Variants in MACROD2 observed in about 807,000 individuals in gnomAD.
The protein encoded by MACROD2 is mono-ADP ribosylhydrolase 2.
A neutral mutation model predicts 70.4 loss-of-function variants in MACROD2; 36 were observed. The ratio of observed to expected loss-of-function variants is 0.51; its 90% CI spans 0.39 to 0.68. The LOEUF is 0.68. MACROD2 is among the 30% of genes least tolerant of loss of function. MACROD2 has a pLI of 0.00. For synonymous variants in MACROD2, 172 were observed against 178.8 expected (o/e 0.96, Z 0.30); for missense variants, 496 against 538.4 (o/e 0.92, Z 0.78).
At chr20:14,742,963 T>A (rs940641620) in intron 5 of MACROD2, among the ~76,000 whole-genome samples, 4 of 151,934 alleles carry the variant, frequency 2.6e-5, no homozygotes, top group Middle Eastern at 6.8e-3. Context: ...AGACGGGGTT[T>A]CACCGTTTTA....
At chr20:15,845,553 G>A (rs1298853370) in intron 8 of MACROD2, among the ~76,000 whole-genome samples, 1 of 151,912 alleles carries the variant, frequency 6.6e-6, no homozygotes, top group Admixed American at 6.6e-5. Context: ...ACCCCCTGTC[G>A]AAGTACAAAA....
chr20:14,673,444 C>T (rs73102520), intron 4 of MACROD2, among the ~76,000 whole-genome samples: 11,680 of 152,164 alleles, frequency 0.077, 506 homozygotes, highest in Middle Eastern at 0.17. Context: ...GTTTCCATGG[C>T]TGGAGAGACT....
At chr20:13,997,747 T>C (rs956934528) in intron 1 of MACROD2, among the ~76,000 whole-genome samples, 6 of 152,204 alleles carry the variant, frequency 3.9e-5, no homozygotes, top group Non-Finnish European at 8.8e-5. Context: ...TATTTTTGCA[T>C]GAAGTTTAAT....
intron 3 of MACROD2, among the ~76,000 whole-genome samples, chr20:14,101,877 G>A (rs1427469063): frequency 6.6e-6 from 1 of 150,624 alleles, no homozygotes. Flanking sequence ...CAATTTCTCT[G>A]CATGATTTCT....
At chr20:15,684,534 C>T (rs1471751236) in intron 8 of MACROD2, among the ~76,000 whole-genome samples, 1 of 152,124 alleles carries the variant, frequency 6.6e-6, no homozygotes. Flanking sequence ...CAAGGGTAAG[C>T]TCATTTAAAA....
At chr20:14,305,578 C>T (rs2082513058) in intron 3 of MACROD2, among the ~76,000 whole-genome samples, 1 of 152,038 alleles carries the variant, frequency 6.6e-6, no homozygotes, top group Non-Finnish European at 1.5e-5. Flanking sequence ...CATAGTCCAC[C>T]ATCTATAGTA....
chr20:14,427,307 A>G (rs1176960464), intron 3 of MACROD2, among the ~76,000 whole-genome samples: 1 of 151,862 alleles, frequency 6.6e-6, no homozygotes, highest in African/African-American at 2.4e-5. Context: ...ATTATTTGAC[A>G]TCTGTGAAGA....
chr20:15,844,743 A>G (rs1043511645), intron 8 of MACROD2, among the ~76,000 whole-genome samples: 11 of 152,260 alleles, frequency 7.2e-5, no homozygotes, highest in Middle Eastern at 3.4e-3. Context: ...TATACATTCA[A>G]CTTAATATTT....
rs182326933 is a variant in MACROD2, at chr20:14,558,090, A to G, written c.301+64582A>G. Among the ~76,000 whole-genome samples the G allele has an allele frequency of 9.9e-5, 15 of 151,882 alleles. No homozygotes were observed. The East Asian group carries it at 1.6e-3, about 16-fold the overall frequency. ...ATGAACTTTGGAAAACTTACGCTGA[A>G]TGAAAAAAAAGCTAGTCATAAAAGA... On this transcript the variant is annotated intron_variant, in intron 4 of 17. Coordinates refer to ENST00000684519, the MANE Select transcript of MACROD2 (RefSeq NM_001351661.2).
chr20:15,250,912 G>A lies in MACROD2; in HGVS notation c.540+20851G>A, dbSNP rs867364386. Among the ~76,000 whole-genome samples, 13 of 152,312 alleles carry A rather than the reference G, an allele frequency of 8.5e-5. No individual in the cohort carries two copies. In the South Asian group the frequency reaches 2.3e-3, roughly 27 times the overall value. On this transcript the variant is annotated intron_variant, in intron 6 of 17. Transcript: ENST00000684519. ...AACATGTAGCAGGCATTCAGTAAATGTTTGTAGAATGAATGTAGAATGAAT... is the reference window on the plus strand; with the variant it reads ...AACATGTAGCAGGCATTCAGTAAATATTTGTAGAATGAATGTAGAATGAAT...
chr20:15,235,549 A>G (rs41420948), intron 6 of MACROD2, among the ~76,000 whole-genome samples: 16,584 of 152,196 alleles, frequency 0.11, 1,127 homozygotes, highest in African/African-American at 0.19. Flanking sequence ...CAATCAAGCA[A>G]TTTTGGAATT....
At chr20:14,733,192 G>A (rs1371438281) in intron 5 of MACROD2, among the ~76,000 whole-genome samples, 3 of 152,072 alleles carry the variant, frequency 2.0e-5, no homozygotes, top group African/African-American at 4.8e-5. Flanking sequence ...GGACTTTGGA[G>A]TTTTAGACAC....
At chr20:14,180,082 C>T (rs2081293943) in intron 3 of MACROD2, among the ~76,000 whole-genome samples, 1 of 152,102 alleles carries the variant, frequency 6.6e-6, no homozygotes, top group African/African-American at 2.4e-5. Flanking sequence ...CTTTCTATTA[C>T]CCCTTCCTCA....
intron 5 of MACROD2, among the ~76,000 whole-genome samples, chr20:15,075,824 T>C (rs183417310): frequency 3.6e-4 from 55 of 152,104 alleles, no homozygotes; most frequent in African/African-American, 1.2e-3. Flanking sequence ...CACTGCAGGG[T>C]AGAGAAGAGA....
chr20:16,039,800 C>T (rs2067284161), intron 15 of MACROD2, among the ~76,000 whole-genome samples: 1 of 151,896 alleles, frequency 6.6e-6, no homozygotes, highest in South Asian at 2.1e-4. Flanking sequence ...TTTCCTTTTC[C>T]ACCTCATTCT....
chr20:15,046,286 T>C (rs1214062737), intron 5 of MACROD2, among the ~76,000 whole-genome samples: 1 of 152,172 alleles, frequency 6.6e-6, no homozygotes, highest in Non-Finnish European at 1.5e-5. Context: ...CCTTCCCACA[T>C]GATGACTTCT....
intron 5 of MACROD2, among the ~76,000 whole-genome samples, chr20:15,071,214 G>GA (rs2075616799): frequency 6.6e-6 from 1 of 152,164 alleles, no homozygotes; most frequent in African/African-American, 2.4e-5. Flanking sequence ...AAAAAGAATA[G>GA]AAACATTTAG....
At chr20:15,020,530 A>G (rs1194379642) in intron 5 of MACROD2, among the ~76,000 whole-genome samples, 1 of 152,142 alleles carries the variant, frequency 6.6e-6, no homozygotes, top group African/African-American at 2.4e-5. Context: ...TCTGATACCA[A>G]CTGCAGTCAT....
chr20:15,998,605 C>A (rs1344976371), intron 15 of MACROD2, among the ~76,000 whole-genome samples: 2 of 146,984 alleles, frequency 1.4e-5, no homozygotes, highest in Non-Finnish European at 3.0e-5. Flanking sequence ...TGCTCTGTCC[C>A]CCAGGCTGGA....
Sources: gnomAD v4.1 joint callset for allele counts (sites outside exome capture counted in the v4.1 genomes callset) on GRCh38, gnomAD v4.1.1 for gene constraint, MANE v1.5 for transcripts, NCBI Gene and HGNC (gene_info 2026-07-23, HGNC 2026-07-21) for gene names.